Variants in FBXL20 observed in about 807,000 individuals in gnomAD.
FBXL20 encodes F-box/LRR-repeat protein 20.
A neutral mutation model predicts 64.0 loss-of-function variants in FBXL20; 11 were observed. The observed-to-expected ratio is 0.17, with a 90% CI of 0.11 to 0.28. The LOEUF (loss-of-function observed/expected upper bound fraction) is 0.28, where lower values mean the gene tolerates loss of function less well. Ranked by LOEUF, FBXL20 falls within the 10% of genes least tolerant of loss-of-function variation. The pLI is 1.00. For synonymous variants in FBXL20, 184 were observed against 189.0 expected (o/e 0.97, Z 0.22); for missense variants, 303 against 526.2 (o/e 0.58, Z 4.15).
At chr17:39,334,373 T>G (rs1462246603) in intron 2 of FBXL20, among the ~76,000 whole-genome samples, 1 of 152,002 alleles carries the variant, frequency 6.6e-6, no homozygotes, top group Non-Finnish European at 1.5e-5. Flanking sequence ...ACCAGAGACC[T>G]TTGTTCACAT....
At chr17:39,279,878 C>T (rs900879011) in intron 9 of FBXL20, among the ~76,000 whole-genome samples, 15 of 151,486 alleles carry the variant, frequency 9.9e-5, no homozygotes, top group Admixed American at 7.9e-4. Context: ...GGTAACACAG[C>T]AAGACTCTGT....
At chr17:39,398,633 G>A (rs1477542664) in intron 1 of FBXL20, among the ~76,000 whole-genome samples, 2 of 151,504 alleles carry the variant, frequency 1.3e-5, no homozygotes, top group African/African-American at 2.4e-5. Context: ...CTATTCCACA[G>A]GATGCTACAC....
Position 39,378,094 on chromosome 17 carries a change from T to C in FBXL20, c.42+23267A>G, listed in dbSNP as rs373372492. ...CAAATACAGACTGTACAGAATTAGGTTGGGAAAGACACTAAACAAACAATA... is the reference window on the plus strand; with the variant it reads ...CAAATACAGACTGTACAGAATTAGGCTGGGAAAGACACTAAACAAACAATA... On this transcript the variant is annotated intron_variant, in intron 1 of 14. Coordinates refer to ENST00000264658, the MANE Select transcript of FBXL20 (RefSeq NM_032875.3). Among the ~76,000 whole-genome samples, 41 of 152,114 alleles carry C rather than the reference T, an allele frequency of 2.7e-4. No individual in the cohort carries two copies. In the South Asian group the frequency reaches 7.1e-3, roughly 26 times the overall value.
intron 1 of FBXL20, among the ~76,000 whole-genome samples, chr17:39,351,946 G>A (rs985312904): frequency 1.3e-5 from 2 of 152,082 alleles, no homozygotes; most frequent in African/African-American, 2.4e-5. Context: ...TTTCTATAAC[G>A]TACATAGCTG....
intron 1 of FBXL20, 93 bp downstream of exon 1, chr17:39,401,268 T>C: frequency 2.5e-6 from 4 of 1,599,838 alleles, no homozygotes; most frequent in Non-Finnish European, 1.7e-6. Flanking sequence ...TGACGGCGCC[T>C]GCCAGGGAGG....
intron 1 of FBXL20, among the ~76,000 whole-genome samples, chr17:39,349,805 T>G (rs1485758043): frequency 3.9e-5 from 6 of 151,948 alleles, no homozygotes; most frequent in Middle Eastern, 3.4e-3. Flanking sequence ...GCATGGTGGC[T>G]AGCGCTTGTA....
chr17:39,348,472 A>AG (rs2047655878), intron 1 of FBXL20, among the ~76,000 whole-genome samples: 1 of 151,542 alleles, frequency 6.6e-6, no homozygotes, highest in African/African-American at 2.4e-5. Context: ...AAAAAGAAAA[A>AG]AAAAAGATGG....
chr17:39,265,641 G>A (rs1331702615), intron 12 of FBXL20, among the ~76,000 whole-genome samples, 188 bp from the exon 13 acceptor site: 1 of 151,748 alleles, frequency 6.6e-6, no homozygotes, highest in East Asian at 1.9e-4. Context: ...TGAGTAGCTG[G>A]GACAACAGGC....
intron 3 of FBXL20, 101 bp from the exon 4 acceptor site, chr17:39,301,176 G>T: frequency 9.5e-7 from 1 of 1,047,220 alleles, no homozygotes; most frequent in Non-Finnish European, 1.4e-6. Context: ...GACTAAAATG[G>T]ATCCAAAAAT....
At chr17:39,384,516 T>A (rs2048058410) in intron 1 of FBXL20, among the ~76,000 whole-genome samples, 1 of 147,882 alleles carries the variant, frequency 6.8e-6, no homozygotes, top group African/African-American at 2.5e-5. Context: ...AGAGCAAGAG[T>A]CCATCTCAAA....
At chr17:39,363,820 A>AAAAAAAAAAACAAAAAAC (rs2047826485) in intron 1 of FBXL20, among the ~76,000 whole-genome samples, 2 of 104,012 alleles carry the variant, frequency 1.9e-5, no homozygotes, top group African/African-American at 1.0e-4. Context: ...CAAAAAAAAA[A>AAAAAAAAAAACAAAAAAC]AAAAAACAAA....
chr17:39,315,829 CAGAGAGAGAGAGAGAGAGAGAG>C (rs141728220), intron 2 of FBXL20, among the ~76,000 whole-genome samples: 51 of 129,776 alleles, frequency 3.9e-4, no homozygotes, highest in African/African-American at 4.9e-4. Context: ...GAGAGAGAGA[CAGAGAGAGAGAGAGAGAGAGAG>C]AGAGAGAGAG....
At chr17:39,269,970 C>T (rs546929095) in intron 11 of FBXL20, among the ~76,000 whole-genome samples, 31 of 152,304 alleles carry the variant, frequency 2.0e-4, no homozygotes, top group Non-Finnish European at 2.6e-4. Flanking sequence ...AATATTCTAT[C>T]GATCTGCCTA....
intron 11 of FBXL20, among the ~76,000 whole-genome samples, chr17:39,269,602 G>A (rs1300609407): frequency 8.9e-5 from 13 of 146,318 alleles, no homozygotes; most frequent in Non-Finnish European, 1.9e-4. Flanking sequence ...GGATTCAAGC[G>A]ATTCTCCTGC....
chr17:39,264,468 G>A, intron 13 of FBXL20, 81 bp from the exon 14 acceptor site: 1 of 1,490,492 alleles, frequency 6.7e-7, no homozygotes, highest in Non-Finnish European at 9.1e-7. Context: ...AATTGGAAAG[G>A]AGACATTTTG....
Position 39,265,406 on chromosome 17 carries a change from A to G in FBXL20, c.981T>C (p.Leu327=). The change falls in exon 13 of 15, where the codon CTT becomes CTC. Residue 327 remains leucine (L), a synonymous_variant. Transcript: ENST00000264658. Reference sequence around the variant, plus strand: ...TCAAAGTTAAACTCACCAATACTTGAAGTCGAGGACAGTGTATAGAAAGTT... The same window carrying G: ...TCAAAGTTAAACTCACCAATACTTGGAGTCGAGGACAGTGTATAGAAAGTT... The part of the protein sequence containing the change: ...LIQLSIHCPR[L]QVLSLSHCEL... 1 of 1,609,576 alleles carries G rather than the reference A, an allele frequency of 6.2e-7. No homozygotes were observed. Among genetic ancestry groups the G allele is most frequent in the Non-Finnish European group, 8.5e-7 (1 of 1,176,780 alleles).
chr17:39,303,692 C>A, intron 2 of FBXL20, 53 bp from the exon 3 acceptor site: 1 of 1,500,248 alleles, frequency 6.7e-7, no homozygotes, highest in South Asian at 1.2e-5. Context: ...AGTAGTTGAC[C>A]TTTATTTATT....
At position 39,317,519 on chromosome 17, in the gene FBXL20, C is replaced by T. The variant is rs549720681; in HGVS notation, c.105-13880G>A. On this transcript the variant is annotated intron_variant, in intron 2 of 14. Transcript: ENST00000264658. ...TGCTGGGATTACAGGCGTGATCCAC[C>T]GTGTCCGACCAAGGTGCTTATTAAA... is the stretch of plus-strand genomic sequence containing the variant. Among the ~76,000 whole-genome samples the T allele has an allele frequency of 5.9e-5, 9 of 151,870 alleles. No homozygotes were observed. The South Asian group carries it at 1.2e-3, about 21-fold the overall frequency.
intron 6 of FBXL20, among the ~76,000 whole-genome samples, chr17:39,291,352 G>A (rs2047036787): frequency 6.6e-6 from 1 of 151,482 alleles, no homozygotes; most frequent in African/African-American, 2.4e-5. Context: ...CTTTTTGGTA[G>A]GTAGGGAGGG....
Sources: gnomAD v4.1 joint callset for allele counts (sites outside exome capture counted in the v4.1 genomes callset) on GRCh38, gnomAD v4.1.1 for gene constraint, MANE v1.5 for transcripts, NCBI Gene and HGNC (gene_info 2026-07-23, HGNC 2026-07-21) for gene names.